Variants in DNMT3A observed in about 807,000 individuals in gnomAD.
DNMT3A encodes DNA (cytosine-5)-methyltransferase 3A.
A neutral mutation model predicts 117.6 loss-of-function variants in DNMT3A; 267 were observed. The observed-to-expected ratio is 2.27, with a 90% CI of 2.05 to 2.51. The LOEUF (loss-of-function observed/expected upper bound fraction) is 2.51, where lower values mean the gene tolerates loss of function less well. Ranked by LOEUF, DNMT3A falls within the 30% of genes most tolerant of loss-of-function variation. The pLI, the probability that DNMT3A is intolerant of heterozygous loss-of-function variation, is 0.00. For synonymous variants in DNMT3A, 432 were observed against 474.8 expected (o/e 0.91, Z 1.17); for missense variants, 1,029 against 1,260.2 (o/e 0.82, Z 2.78).
chr2:25,232,954 G>T lies in DNMT3A; in HGVS notation c.*1325C>A, dbSNP rs550011256. ...CCTCATAAAAGAACACACAAAAGGC[G>T]ACTTAGACAGGAAAGCACCAGTACG... On this transcript the variant is annotated 3_prime_UTR_variant, in exon 23 of 23. Transcript: ENST00000321117. This position sits in a 1 kb window ranked among gnomAD's most constrained non-coding sequence, Gnocchi z 4.1. 14 of 232,420 alleles carry T rather than the reference G, an allele frequency of 6.0e-5. No individual in the cohort carries two copies. Among genetic ancestry groups the T allele is most frequent in the Non-Finnish European group, 8.5e-5 (10 of 117,502 alleles). 14.4% of individuals were successfully genotyped at this position (232,420 alleles called of 1,614,324 possible).
rs995063837 is a variant in DNMT3A at position 25,228,987 on chromosome 2, G to C, written c.*5292C>G. ...GGGAGTCCCAGGCCCTCTGGTGGGGGAAGTGAGTAAGTCACCACCAGCAAA... is the reference window on the plus strand; with the variant it reads ...GGGAGTCCCAGGCCCTCTGGTGGGGCAAGTGAGTAAGTCACCACCAGCAAA... On this transcript the variant is annotated 3_prime_UTR_variant, in exon 23 of 23. Transcript: ENST00000321117. The C allele has an allele frequency of 2.6e-5, 4 of 152,184 alleles. No individual in the cohort carries two copies. The highest frequency in any genetic ancestry group is 4.4e-5 in the Non-Finnish European group (3 of 68,066). 9.4% of individuals were successfully genotyped at this position (152,184 alleles called of 1,614,324 possible).
chr2:25,319,207 G>C (rs1158522510), intron 1 of DNMT3A, among the ~76,000 whole-genome samples: 1 of 151,466 alleles, frequency 6.6e-6, no homozygotes, highest in Non-Finnish European at 1.5e-5. Context: ...GTAGAGACGG[G>C]GTTTCACCAT....
At chr2:25,274,768 T>C (rs930017138) in intron 6 of DNMT3A, among the ~76,000 whole-genome samples, 173 bp downstream of exon 6, 1 of 152,176 alleles carries the variant, frequency 6.6e-6, no homozygotes, top group Non-Finnish European at 1.5e-5. Context: ...AGGTATACAG[T>C]AAGTGTTCAA....
At chr2:25,328,703 G>T (rs774581822) in intron 1 of DNMT3A, 1 of 517,198 alleles carries the variant, frequency 1.9e-6, no homozygotes, top group Non-Finnish European at 4.0e-6. Flanking sequence ...GCGGTGCCTA[G>T]AGCGACCCCC....
rs200514465 is a variant in DNMT3A at position 25,228,281 on chromosome 2, GAAA to G, written c.*5995_*5997del. The G allele has an allele frequency of 1.8e-5, 1 of 54,192 alleles. No homozygotes were observed. The highest frequency in any genetic ancestry group is 3.8e-5 in the Non-Finnish European group (1 of 26,614). 3.4% of individuals were successfully genotyped at this position (54,192 alleles called of 1,614,324 possible). ...AGTGGTGAAAGGATGCTGGAACCAG[GAAA>G]AAAAAATAATAATAATAAAGGAGAA... On this transcript the variant is annotated 3_prime_UTR_variant, in exon 23 of 23. Transcript: ENST00000321117.
intron 6 of DNMT3A, among the ~76,000 whole-genome samples, chr2:25,250,678 A>T (rs747792): frequency 0.65 from 99,605 of 152,100 alleles, 33,190 homozygotes; most frequent in Admixed American, 0.7. Context: ...AGCCCACACC[A>T]CGCCGCTGCT....
In DNMT3A at chr2:25,247,357, G is replaced by T; in HGVS notation, c.1015-199C>A. The T allele has an allele frequency of 1.3e-6, 1 of 784,514 alleles. No homozygotes were observed. The highest frequency in any genetic ancestry group is 2.0e-6 in the Non-Finnish European group (1 of 499,310). 48.6% of individuals were successfully genotyped at this position (784,514 alleles called of 1,614,324 possible). A position where few individuals can be genotyped will look rare whatever the true frequency, so the allele number is the denominator to read the frequency against. On this transcript the variant is annotated intron_variant, in intron 8 of 22. Transcript: ENST00000321117. This position sits in a 1 kb window ranked among gnomAD's most constrained non-coding sequence, Gnocchi z 5.6. Reference sequence around the variant, plus strand: ...GAAGTACCTGAGTGCAGGTGGAAAGGAATTCTAGTGAATAGGTTCCTGGAA... The same window carrying T: ...GAAGTACCTGAGTGCAGGTGGAAAGTAATTCTAGTGAATAGGTTCCTGGAA...
At chr2:25,319,462 T>C (rs973085351) in intron 1 of DNMT3A, among the ~76,000 whole-genome samples, 27 of 152,230 alleles carry the variant, frequency 1.8e-4, no homozygotes, top group African/African-American at 6.5e-4. Context: ...AGTAAAGACA[T>C]CTTCAGACAT....
chr2:25,283,804 T>G (rs1192043214), intron 3 of DNMT3A, among the ~76,000 whole-genome samples: 1 of 152,198 alleles, frequency 6.6e-6, no homozygotes, highest in Non-Finnish European at 1.5e-5. Flanking sequence ...ATCCTGGCTG[T>G]CTGTGTGTGT....
At chr2:25,330,616 C>T (rs192234656) in intron 1 of DNMT3A, among the ~76,000 whole-genome samples, 300 of 152,354 alleles carry the variant, frequency 2.0e-3, no homozygotes, top group African/African-American at 6.9e-3. Flanking sequence ...TAGCCCATGT[C>T]CAGGCCAAGT....
At chr2:25,283,716 G>C (rs2032070733) in intron 3 of DNMT3A, among the ~76,000 whole-genome samples, 1 of 152,186 alleles carries the variant, frequency 6.6e-6, no homozygotes, top group Non-Finnish European at 1.5e-5. Flanking sequence ...CCCTTCAAGG[G>C]AAATCATTTC....
intron 6 of DNMT3A, among the ~76,000 whole-genome samples, chr2:25,272,095 T>C (rs1310336987): frequency 6.6e-6 from 1 of 152,196 alleles, no homozygotes; most frequent in African/African-American, 2.4e-5. Flanking sequence ...CCAGTGATTC[T>C]CCTGCCTCAG....
intron 1 of DNMT3A, among the ~76,000 whole-genome samples, chr2:25,326,992 G>C (rs2034812649): frequency 6.6e-6 from 1 of 152,192 alleles, no homozygotes; most frequent in African/African-American, 2.4e-5. Context: ...CCAGAGGGTG[G>C]ATTTCCAGCA....
intron 6 of DNMT3A, 82 bp downstream of exon 6, chr2:25,274,859 C>A: frequency 6.5e-7 from 1 of 1,539,318 alleles, no homozygotes; most frequent in South Asian, 1.2e-5. Flanking sequence ...AAGGGTTAGC[C>A]TGAAGGGGAA....
rs1325214383 is a variant in DNMT3A, at chr2:25,286,050, T to C, written c.178-3339A>G. On this transcript the variant is annotated intron_variant, in intron 3 of 22. Coordinates refer to ENST00000321117, the MANE Select transcript of DNMT3A (RefSeq NM_022552.5). The surrounding 1 kb of genome is among the most constrained non-coding windows in gnomAD (Gnocchi z 4.3). ...CCTTTCTTCTCATCATTTGCTGCCC[T>C]GCAGACACCTCAGATTGGGGCAGGC... 6.6e-6 allele frequency among the ~76,000 whole-genome samples: 1 copy of C among 152,244 alleles called. No homozygotes were observed. Among genetic ancestry groups the C allele is most frequent in the South Asian group, 2.1e-4 (1 of 4,836 alleles).
Position 25,236,934 on chromosome 2 carries a change from ACCTT to A in DNMT3A, c.2476_2478+1del. On this transcript the variant is annotated splice_donor_variant and coding_sequence_variant, in exon 21 of 23. Transcript: ENST00000321117. LOFTEE classifies it high-confidence loss of function. The surrounding 1 kb of genome is among the most constrained non-coding windows in gnomAD (Gnocchi z 4.5). ...GCAGAGGTTCTAGACGCTGGAGCTG[ACCTT>A]GGCTATCCTGCCATGCTCCAGACAC... 1 of 1,612,456 alleles carries A rather than the reference ACCTT, an allele frequency of 6.2e-7. No homozygotes were observed. The highest frequency in any genetic ancestry group is 8.5e-7 in the Non-Finnish European group (1 of 1,179,448).
At position 25,247,265 on chromosome 2, in the gene DNMT3A, C is replaced by A; in HGVS notation, c.1015-107G>T. On this transcript the variant is annotated intron_variant, in intron 8 of 22. Coordinates refer to ENST00000321117, the MANE Select transcript of DNMT3A (RefSeq NM_022552.5). The surrounding 1 kb of genome is among the most constrained non-coding windows in gnomAD (Gnocchi z 5.6). Reference sequence around the variant, plus strand: ...GGAGCCTCGAGAGTCAGTCTCAGCCCTGGAGGGGACCAGATACAGTGATAA... The same window carrying A: ...GGAGCCTCGAGAGTCAGTCTCAGCCATGGAGGGGACCAGATACAGTGATAA... 1 of 1,101,456 alleles carries A rather than the reference C, an allele frequency of 9.1e-7. No homozygotes were observed. Among genetic ancestry groups the A allele is most frequent in the East Asian group, 2.6e-5 (1 of 39,000 alleles). 68.2% of individuals were successfully genotyped at this position (1,101,456 alleles called of 1,614,324 possible).
rs150400657 is a variant in DNMT3A, at chr2:25,278,042, C to CACACACACACACACACACACACAAACAG, written c.449-2500_449-2499insCTGTTTGTGTGTGTGTGTGTGTGTGTGT. On this transcript the variant is annotated intron_variant, in intron 4 of 22. Coordinates refer to ENST00000321117, the MANE Select transcript of DNMT3A (RefSeq NM_022552.5). The stretch of plus-strand genomic sequence containing the variant: ...ACACACACACACACACACACACAGA[C>CACACACACACACACACACACACAAACAG]ACACACGCTTTCCAGCCTGGCCGGG... Among the ~76,000 whole-genome samples the CACACACACACACACACACACACAAACAG allele has an allele frequency of 7.5e-4, 110 of 146,398 alleles. 1 individual carries two copies. The highest frequency in any genetic ancestry group is 1.3e-3 in the Non-Finnish European group (86 of 66,876).
chr2:25,329,615 A>G lies in DNMT3A; in HGVS notation c.-178+12211T>C, dbSNP rs148936579. On this transcript the variant is annotated intron_variant, in intron 1 of 22. Coordinates refer to ENST00000321117, the MANE Select transcript of DNMT3A (RefSeq NM_022552.5). ...TGCCACTAGAATGGGGAATGTATTT[A>G]CCAGAGAATGTCTACCTGCCACTGT... is the stretch of plus-strand genomic sequence containing the variant. Among the ~76,000 whole-genome samples the G allele has an allele frequency of 4.6e-3, 695 of 151,068 alleles. 5 individuals carry two copies. The highest frequency in any genetic ancestry group is 0.016 in the African/African-American group (674 of 40,978).
Sources: gnomAD v4.1 joint callset for allele counts (sites outside exome capture counted in the v4.1 genomes callset) on GRCh38, gnomAD v4.1.1 for gene constraint, Gnocchi (gnomAD v3.1) non-coding constraint, MANE v1.5 for transcripts, NCBI Gene and HGNC (gene_info 2026-07-23, HGNC 2026-07-21) for gene names.